The following KLF8 variants were observed in gnomAD, a reference collection of about 807,000 sequenced individuals.
KLF8 encodes KLF transcription factor 8, also known as Krueppel-like factor 8.
Under a neutral mutation model 18.2 loss-of-function variants are expected in KLF8, and 10 were observed. The ratio of observed to expected loss-of-function variants is 0.55; its 90% CI spans 0.34 to 0.93. The LOEUF (loss-of-function observed/expected upper bound fraction) is 0.93. Among genes scored for constraint, KLF8 ranks in the 40% least tolerant of loss-of-function variants. The pLI, the probability that KLF8 is intolerant of heterozygous loss-of-function variation, is 0.02. For missense variants in KLF8, 264 were observed against 277.9 expected (o/e 0.95, Z 0.36); for synonymous variants, 109 against 97.3 (o/e 1.12, Z -0.71).
the KLF8 span, among the ~76,000 whole-genome samples, chrX:56,082,440 T>G: frequency 9.0e-6 from 1 of 110,977 alleles, no homozygotes; most frequent in African/African-American, 3.3e-5. Context: ...TCATTTTTCT[T>G]TTCTCTATTT....
At chrX:56,035,563 C>G in the KLF8 span, among the ~76,000 whole-genome samples, 1 of 112,176 alleles carries the variant, frequency 8.9e-6, no homozygotes, top group East Asian at 2.8e-4. Context: ...TATAGTGGTA[C>G]TAAGTTAAAT....
At chrX:55,969,175 T>A in the KLF8 span, among the ~76,000 whole-genome samples, 3 of 111,979 alleles carry the variant, frequency 2.7e-5, no homozygotes, top group East Asian at 8.4e-4. Context: ...TAGCACATGG[T>A]TCAGTCTCAT....
At chrX:56,104,868 C>G in the KLF8 span, among the ~76,000 whole-genome samples, 2 of 111,840 alleles carry the variant, frequency 1.8e-5, no homozygotes, top group East Asian at 2.8e-4. Context: ...ATAAATTTCC[C>G]TCTACACACT....
the KLF8 span, among the ~76,000 whole-genome samples, chrX:56,158,577 T>G: frequency 5.4e-5 from 6 of 111,757 alleles, no homozygotes; most frequent in South Asian, 1.1e-3. Flanking sequence ...GAGCAGTGGT[T>G]TGTAGTTCTC....
the KLF8 span, chrX:55,961,704 G>T: frequency 2.5e-6 from 1 of 393,387 alleles, no homozygotes; most frequent in Middle Eastern, 6.5e-4. Flanking sequence ...CCCATCTTCA[G>T]GGATGCTGGC....
chrX:56,074,199 A>C, the KLF8 span, among the ~76,000 whole-genome samples: 1 of 112,418 alleles, frequency 8.9e-6, no homozygotes, highest in East Asian at 2.8e-4. Flanking sequence ...CAGCCTTATC[A>C]GATATGTGAT....
the KLF8 span, among the ~76,000 whole-genome samples, chrX:56,134,698 T>A: frequency 3.6e-5 from 4 of 110,729 alleles, no homozygotes; most frequent in Admixed American, 3.9e-4. Context: ...AAAAGAACAG[T>A]CAGCAGATTA....
At chrX:56,171,311 GATTATTTTCTTTTT>G in the KLF8 span, among the ~76,000 whole-genome samples, 2 of 111,671 alleles carry the variant, frequency 1.8e-5, no homozygotes, top group African/African-American at 6.5e-5. Context: ...TTTTATTTTT[GATTATTTTCTTTTT>G]ATGAAAACAG....
the KLF8 span, among the ~76,000 whole-genome samples, chrX:56,005,122 A>C: frequency 5.5e-5 from 6 of 109,486 alleles, no homozygotes; most frequent in Non-Finnish European, 1.1e-4. Context: ...GGCTCACTGC[A>C]ACCTCTGCCT....
the KLF8 span, among the ~76,000 whole-genome samples, chrX:56,154,534 A>T: frequency 1.3e-3 from 149 of 112,172 alleles, no homozygotes; most frequent in Non-Finnish European, 1.7e-3. Context: ...CATTCAGGAC[A>T]TAGGCATGGG....
At chrX:56,161,124 T>C in the KLF8 span, among the ~76,000 whole-genome samples, 1 of 111,651 alleles carries the variant, frequency 9.0e-6, no homozygotes, top group Non-Finnish European at 1.9e-5. Context: ...GTCTGTAAAG[T>C]ATTTTATGTC....
the KLF8 span, among the ~76,000 whole-genome samples, chrX:56,011,235 C>T: frequency 1.8e-5 from 2 of 111,953 alleles, no homozygotes; most frequent in African/African-American, 6.5e-5. Context: ...AACACTCCTC[C>T]ACAAATACAC....
At chrX:55,955,579 CAAA>C in the KLF8 span, among the ~76,000 whole-genome samples, 1 of 111,245 alleles carries the variant, frequency 9.0e-6, no homozygotes, top group Non-Finnish European at 1.9e-5. Context: ...ATTGAGCAAA[CAAA>C]AAATGTTTTA....
chrX:56,175,352 G>A, the KLF8 span, among the ~76,000 whole-genome samples: 12 of 111,921 alleles, frequency 1.1e-4, no homozygotes, highest in African/African-American at 3.9e-4. Context: ...TTTTCGTTAT[G>A]TACCGAGTAG....
the KLF8 span, among the ~76,000 whole-genome samples, chrX:55,973,554 C>T: frequency 2.7e-5 from 3 of 111,931 alleles, no homozygotes; most frequent in Non-Finnish European, 3.8e-5. Context: ...AGATACCTCT[C>T]AAAAGAGGAC....
chrX:55,969,584 G>T, the KLF8 span, among the ~76,000 whole-genome samples: 61 of 111,035 alleles, frequency 5.5e-4, no homozygotes, highest in African/African-American at 1.8e-3. Context: ...TAGTAGAAGA[G>T]ATAACAAAGA....
At chrX:56,077,281 C>T in the KLF8 span, among the ~76,000 whole-genome samples, 241 of 111,869 alleles carry the variant, frequency 2.2e-3, no homozygotes, top group African/African-American at 7.3e-3. Flanking sequence ...TTAAGTATAA[C>T]GTTTAAGTCT....
chrX:56,175,537 T>G, the KLF8 span, among the ~76,000 whole-genome samples: 1 of 111,853 alleles, frequency 8.9e-6, no homozygotes, highest in Non-Finnish European at 1.9e-5. Flanking sequence ...AATTTTGGAA[T>G]AAGTACAGTG....
At chrX:56,020,050 C>T in the KLF8 span, among the ~76,000 whole-genome samples, 8 of 111,752 alleles carry the variant, frequency 7.2e-5, no homozygotes, top group African/African-American at 1.6e-4. Flanking sequence ...ATTGATGTGT[C>T]GTGGCATCTG....
Sources: allele counts gnomAD v4.1 joint callset (sites outside exome capture counted in the v4.1 genomes callset), GRCh38; gene constraint gnomAD v4.1.1; transcripts MANE v1.5; gene names NCBI Gene and HGNC (gene_info 2026-07-23, HGNC 2026-07-21).